MBD5: variants seen among roughly 807,000 people sequenced by gnomAD.
MBD5 encodes the protein methyl-CpG binding domain protein 5.
Under a neutral mutation model 117.3 loss-of-function variants are expected in MBD5, and 13 were observed. The ratio of observed to expected loss-of-function variants is 0.11; its 90% confidence interval spans 0.07 to 0.18. MBD5 has a LOEUF of 0.18. Ranked by LOEUF, MBD5 falls within the 10% of genes least tolerant of loss-of-function variation. The probability of loss-of-function intolerance (pLI) is 1.00; values close to 1 mark genes in which losing one functional copy is unlikely to be tolerated. For missense variants in MBD5, 1,879 were observed against 2,093.8 expected (o/e 0.90, Z 2.00); for synonymous variants, 727 against 766.4 (o/e 0.95, Z 0.85).
chr2:148,181,423 A>T (rs1400426595), intron 2 of MBD5, among the ~76,000 whole-genome samples: 4 of 152,216 alleles, frequency 2.6e-5, no homozygotes, highest in Non-Finnish European at 5.9e-5. Flanking sequence ...TGATTAATTT[A>T]ACCAATCCCT....
chr2:148,348,603 C>T (rs1054339608), intron 4 of MBD5, among the ~76,000 whole-genome samples: 19 of 151,994 alleles, frequency 1.3e-4, no homozygotes, highest in Non-Finnish European at 2.9e-5. Flanking sequence ...CAAATCTAAA[C>T]ATACTAAGTA....
chr2:148,035,098 T>C (rs1694153885), intron 1 of MBD5, among the ~76,000 whole-genome samples: 1 of 152,072 alleles, frequency 6.6e-6, no homozygotes, highest in South Asian at 2.1e-4. Context: ...TTGTGGACAT[T>C]CACTAAATTT....
chr2:148,217,470 G>T (rs753803300), intron 2 of MBD5, among the ~76,000 whole-genome samples: 1 of 152,164 alleles, frequency 6.6e-6, no homozygotes, highest in African/African-American at 2.4e-5. Context: ...CTTCCACCTT[G>T]GGCTTTGAGC....
chr2:148,202,461 G>A (rs1359564813), intron 2 of MBD5, among the ~76,000 whole-genome samples: 1 of 152,060 alleles, frequency 6.6e-6, no homozygotes, highest in Non-Finnish European at 1.5e-5. Flanking sequence ...TGTACTTGAG[G>A]CTCAACAAGA....
At chr2:148,035,997 A>G (rs184392516) in intron 1 of MBD5, among the ~76,000 whole-genome samples, 2 of 152,262 alleles carry the variant, frequency 1.3e-5, no homozygotes, top group African/African-American at 4.8e-5. Context: ...ATTATGGTAA[A>G]TCTTTAACTT....
chr2:148,270,612 C>T (rs192963784), intron 3 of MBD5, among the ~76,000 whole-genome samples: 27 of 152,108 alleles, frequency 1.8e-4, no homozygotes, highest in African/African-American at 6.5e-4. Flanking sequence ...TGGTCTCAAA[C>T]TCCTGACCTC....
At chr2:148,284,463 C>T in intron 3 of MBD5, among the ~76,000 whole-genome samples, 1 of 152,094 alleles carries the variant, frequency 6.6e-6, no homozygotes, top group East Asian at 1.9e-4. Context: ...AACCTGGTGG[C>T]CGTGTTGTGC....
intron 4 of MBD5, among the ~76,000 whole-genome samples, chr2:148,449,104 A>G (rs1481679936): frequency 6.6e-6 from 1 of 152,172 alleles, no homozygotes; most frequent in African/African-American, 2.4e-5. Context: ...ATTCTTTAAA[A>G]CAATTCCCTA....
chr2:148,042,278 G>A (rs997835255), intron 1 of MBD5, among the ~76,000 whole-genome samples: 1 of 151,962 alleles, frequency 6.6e-6, no homozygotes, highest in Non-Finnish European at 1.5e-5. Context: ...TCCTTTCTTG[G>A]CAATTTTTGC....
At chr2:148,118,427 T>TAAAAAAA (rs11393692) in intron 1 of MBD5, among the ~76,000 whole-genome samples, 1 of 145,492 alleles carries the variant, frequency 6.9e-6, no homozygotes, top group African/African-American at 2.6e-5. Flanking sequence ...CTGGGCAACA[T>TAAAAAAA]AAAAAAAAAT....
intron 1 of MBD5, among the ~76,000 whole-genome samples, chr2:148,152,491 C>G (rs1157785604): frequency 6.6e-6 from 1 of 151,686 alleles, no homozygotes; most frequent in Non-Finnish European, 1.5e-5. Context: ...TCCTGGGTAT[C>G]CTTGTTGACT....
chr2:148,448,843 T>A lies in MBD5; in HGVS notation c.-556-9360T>A, dbSNP rs546398200. Among the ~76,000 whole-genome samples, 18 of 152,168 alleles carry A rather than the reference T, an allele frequency of 1.2e-4. No individual in the cohort carries two copies. In the East Asian group the frequency reaches 2.7e-3, roughly 23 times the overall value. On this transcript the variant is annotated intron_variant, in intron 4 of 13. Transcript: ENST00000642680. ...GCTGCATCCTGAGTAGACAAAACAG[T>A]AGTAATGCACAGATAAGATGTGAAA... is the stretch of plus-strand genomic sequence containing the variant.
intron 4 of MBD5, among the ~76,000 whole-genome samples, chr2:148,385,289 A>G (rs2105474923): frequency 6.6e-6 from 1 of 152,378 alleles, no homozygotes; most frequent in Non-Finnish European, 1.5e-5. Context: ...CCCATCAAAA[A>G]GTGGGCAAAG....
intron 4 of MBD5, among the ~76,000 whole-genome samples, chr2:148,391,803 T>G (rs7355337): frequency 0.059 from 8,978 of 152,222 alleles, 293 homozygotes; most frequent in African/African-American, 0.074. Context: ...TATTTACAAA[T>G]CATCATTCTG....
At chr2:148,298,429 A>G (rs1477148739) in intron 3 of MBD5, among the ~76,000 whole-genome samples, 2 of 152,316 alleles carry the variant, frequency 1.3e-5, no homozygotes, top group South Asian at 2.1e-4. Context: ...TTGTGACTCA[A>G]GTGCCAGTGA....
intron 3 of MBD5, among the ~76,000 whole-genome samples, chr2:148,340,910 C>T (rs971105565): frequency 2.3e-4 from 35 of 150,984 alleles, no homozygotes; most frequent in Non-Finnish European, 5.0e-4. Flanking sequence ...ACTTTAAGTG[C>T]TTTGTGAATG....
At chr2:148,259,596 C>T in intron 3 of MBD5, among the ~76,000 whole-genome samples, 1 of 152,122 alleles carries the variant, frequency 6.6e-6, no homozygotes, top group East Asian at 1.9e-4. Context: ...TGGCAGGTAG[C>T]AGGAAAAACA....
At chr2:148,463,587 TA>T in intron 6 of MBD5, 151 bp from the exon 7 acceptor site, 1 of 803,176 alleles carries the variant, frequency 1.2e-6, no homozygotes, top group Non-Finnish European at 2.0e-6. Context: ...AAGTACTTAC[TA>T]AGTTATATAA....
rs199596645 is a variant in MBD5, at chr2:148,483,089, T to G, written c.2519-21T>G. Reference sequence around the variant, plus strand: ...TCATGATTAATAACTGGGTTTTGTGTTTTTTTTTTTTTCATTTTAGGCGGT... The same window carrying G: ...TCATGATTAATAACTGGGTTTTGTGGTTTTTTTTTTTTCATTTTAGGCGGT... On this transcript the variant is annotated intron_variant, in intron 8 of 13. Coordinates refer to ENST00000642680, the MANE Select transcript of MBD5 (RefSeq NM_001378120.1). 3.0e-3 allele frequency: 39 copies of G among 13,048 alleles called. No homozygotes were observed. Among genetic ancestry groups the G allele is most frequent in the Middle Eastern group, 0.01 (1 of 98 alleles). The allele number at this position is 13,048 out of a possible 1,614,324, so 0.8% of individuals were successfully genotyped here.
Sources: allele counts gnomAD v4.1 joint callset (sites outside exome capture counted in the v4.1 genomes callset), GRCh38; gene constraint gnomAD v4.1.1; transcripts MANE v1.5; gene names NCBI Gene and HGNC (gene_info 2026-07-23, HGNC 2026-07-21).